The following NRXN1 variants were observed in gnomAD, a reference collection of about 807,000 sequenced individuals.
NRXN1 encodes neurexin-1.
NRXN1 carries 39 observed loss-of-function variants against 150.9 expected under a neutral mutation model. That is an observed-to-expected ratio of 0.26 (90% CI 0.20 to 0.34). The LOEUF is 0.34. Among genes scored for constraint, NRXN1 ranks in the 10% least tolerant of loss-of-function variants. NRXN1 has a pLI of 1.00. For synonymous variants in NRXN1, 924 were observed against 757.0 expected (o/e 1.22, Z -3.62); for missense variants, 1,815 against 1,949.9 (o/e 0.93, Z 1.30).
intron 2 of NRXN1, among the ~76,000 whole-genome samples, chr2:51,003,441 T>C (rs1414007528): frequency 6.6e-6 from 1 of 152,014 alleles, no homozygotes; most frequent in African/African-American, 2.4e-5. Context: ...ATGGTGCCTA[T>C]TAAACCTTTT....
chr2:50,405,966 T>C (rs536727375), intron 17 of NRXN1, among the ~76,000 whole-genome samples: 14 of 152,228 alleles, frequency 9.2e-5, no homozygotes, highest in African/African-American at 3.4e-4. Flanking sequence ...GTTTTATAGA[T>C]GAGGAAATTC....
intron 21 of NRXN1, among the ~76,000 whole-genome samples, chr2:50,008,067 A>G (rs1685062697): frequency 6.6e-6 from 1 of 152,204 alleles, no homozygotes; most frequent in Non-Finnish European, 1.5e-5. Context: ...TTAAATGTGT[A>G]TAACCATCAA....
chr2:50,672,801 A>G (rs971787290), intron 5 of NRXN1, among the ~76,000 whole-genome samples: 6 of 152,070 alleles, frequency 3.9e-5, no homozygotes, highest in Admixed American at 2.0e-4. Context: ...ACATTCAGTG[A>G]AACTTTTCCA....
chr2:49,975,970 A>G (rs1271227913), intron 21 of NRXN1, among the ~76,000 whole-genome samples: 1 of 152,034 alleles, frequency 6.6e-6, no homozygotes, highest in Non-Finnish European at 1.5e-5. Flanking sequence ...ACTTACTTAC[A>G]TAATACATGC....
chr2:50,784,679 A>G (rs762170105), intron 5 of NRXN1, among the ~76,000 whole-genome samples: 6 of 152,080 alleles, frequency 3.9e-5, no homozygotes, highest in Admixed American at 2.0e-4. Flanking sequence ...AAGTGTGGCA[A>G]AACAGTTTGC....
intron 2 of NRXN1, among the ~76,000 whole-genome samples, chr2:50,984,134 ATTTTTTTTTT>A (rs70958636): frequency 4.1e-5 from 3 of 72,794 alleles, no homozygotes; most frequent in African/African-American, 6.3e-5. Context: ...CGCCAGGCTA[ATTTTTTTTTT>A]TTTTTTTTTT....
At chr2:50,270,072 C>T (rs930575814) in intron 17 of NRXN1, among the ~76,000 whole-genome samples, 2 of 152,096 alleles carry the variant, frequency 1.3e-5, no homozygotes, top group Admixed American at 1.3e-4. Flanking sequence ...ACAGAACTTC[C>T]CCCATTATGT....
intron 12 of NRXN1, among the ~76,000 whole-genome samples, chr2:50,510,842 C>A (rs115273680): frequency 0.012 from 1,803 of 152,096 alleles, 36 homozygotes; most frequent in African/African-American, 0.041. Context: ...ACTGAATGCC[C>A]CCAGCTAATA....
At chr2:50,149,069 T>C (rs146859769) in intron 18 of NRXN1, among the ~76,000 whole-genome samples, 143 of 151,904 alleles carry the variant, frequency 9.4e-4, no homozygotes, top group African/African-American at 3.3e-3. Flanking sequence ...CAGCAATGCA[T>C]GGCTTTTGCC....
chr2:50,100,673 C>T (rs180734942), intron 18 of NRXN1, among the ~76,000 whole-genome samples: 192 of 152,068 alleles, frequency 1.3e-3, no homozygotes, highest in Non-Finnish European at 2.1e-3. Context: ...AAATAGCATA[C>T]GTTTGCAGAT....
chr2:50,176,706 T>C (rs1281706970), intron 18 of NRXN1, among the ~76,000 whole-genome samples: 1 of 152,158 alleles, frequency 6.6e-6, no homozygotes, highest in Non-Finnish European at 1.5e-5. Context: ...GGTATTTTTA[T>C]TCACCTTGTA....
chr2:50,852,206 C>G (rs1464992641), intron 5 of NRXN1, among the ~76,000 whole-genome samples: 1 of 152,132 alleles, frequency 6.6e-6, no homozygotes, highest in Non-Finnish European at 1.5e-5. Flanking sequence ...GCACTAGTCA[C>G]TCATAGCTTT....
intron 19 of NRXN1, among the ~76,000 whole-genome samples, chr2:50,085,292 G>T (rs563809467): frequency 6.6e-6 from 1 of 152,264 alleles, no homozygotes; most frequent in Non-Finnish European, 1.5e-5. Flanking sequence ...CCTTCTGTGT[G>T]TCACACCCTG....
intron 18 of NRXN1, among the ~76,000 whole-genome samples, chr2:50,113,720 G>A (rs554403391): frequency 2.0e-5 from 3 of 152,206 alleles, no homozygotes; most frequent in East Asian, 1.9e-4. Context: ...TGATGCTCAC[G>A]TATAATCCAC....
At chr2:50,671,929 T>C (rs1032533153) in intron 5 of NRXN1, among the ~76,000 whole-genome samples, 4 of 151,896 alleles carry the variant, frequency 2.6e-5, no homozygotes, top group Admixed American at 2.6e-4. Context: ...AAATTACCTT[T>C]CTGTATCTTC....
At chr2:50,436,002 T>C (rs1316092272) in intron 17 of NRXN1, among the ~76,000 whole-genome samples, 2 of 152,174 alleles carry the variant, frequency 1.3e-5, no homozygotes, top group South Asian at 2.1e-4. Flanking sequence ...TCCTTTATTT[T>C]ACATATAACT....
chr2:50,656,432 T>C (rs1559083037), intron 5 of NRXN1: 1 of 769,090 alleles, frequency 1.3e-6, no homozygotes, highest in Non-Finnish European at 2.4e-6. Flanking sequence ...TATAAAGTTC[T>C]AGAAGTATCA....
rs76986718 is a variant in NRXN1, at chr2:50,225,214, C to T, written c.3546+11575G>A. On this transcript the variant is annotated intron_variant, in intron 18 of 22. Transcript: ENST00000401669. ...CCAAGGAGAGCACTTCTGGAGTGAG[C>T]GCCTGCATGACAATGGAAAACTACC... is the stretch of plus-strand genomic sequence containing the variant. 6.7e-3 allele frequency among the ~76,000 whole-genome samples: 1,025 copies of T among 151,948 alleles called. 6 individuals carry two copies. Among genetic ancestry groups the T allele is most frequent in the African/African-American group, 0.024 (991 of 41,458 alleles).
intron 2 of NRXN1, among the ~76,000 whole-genome samples, chr2:50,987,540 G>A (rs1697912505): frequency 6.6e-6 from 1 of 151,906 alleles, no homozygotes; most frequent in Non-Finnish European, 1.5e-5. Flanking sequence ...ACATCTGTGT[G>A]TGTCTAAAGT....
Sources: allele counts gnomAD v4.1 joint callset (sites outside exome capture counted in the v4.1 genomes callset), GRCh38; gene constraint gnomAD v4.1.1; transcripts MANE v1.5; gene names NCBI Gene and HGNC (gene_info 2026-07-23, HGNC 2026-07-21).